Variants in VIT observed in about 807,000 individuals in gnomAD.
VIT encodes the protein vitrin.
In VIT, 99 loss-of-function variants were observed where a neutral mutation model predicts 78.0. That is an observed-to-expected ratio of 1.27 (90% CI 1.08 to 1.50). The LOEUF (loss-of-function observed/expected upper bound fraction) is 1.50, where lower values mean the gene tolerates loss of function less well. Ranked by LOEUF, VIT falls within the 40% of genes most tolerant of loss-of-function variation. The pLI, the probability that VIT is intolerant of heterozygous loss-of-function variation, is 0.00. For synonymous variants in VIT, 374 were observed against 334.3 expected, an observed-to-expected ratio of 1.12 and a Z score of -1.29; for missense variants, 1,126 against 875.3, an observed-to-expected ratio of 1.29 and a Z score of -3.61.
chr2:36,708,525 C>G (rs1240768335), intron 1 of VIT, among the ~76,000 whole-genome samples: 1 of 151,954 alleles, frequency 6.6e-6, no homozygotes. Flanking sequence ...TTTTTAAGCC[C>G]TCCATGTCTC....
chr2:36,754,230 T>C (rs1304237290), intron 4 of VIT, among the ~76,000 whole-genome samples: 2 of 152,020 alleles, frequency 1.3e-5, no homozygotes, highest in Non-Finnish European at 2.9e-5. Context: ...TGGGGAGAAA[T>C]CTACATCTCC....
intron 1 of VIT, among the ~76,000 whole-genome samples, chr2:36,699,510 A>G (rs2148401092): frequency 1.1e-5 from 1 of 92,578 alleles, no homozygotes; most frequent in South Asian, 4.4e-4. Context: ...AGACAATTAG[A>G]GGGGGTTATA....
At chr2:36,713,411 A>T (rs1665926491) in intron 1 of VIT, among the ~76,000 whole-genome samples, 1 of 152,200 alleles carries the variant, frequency 6.6e-6, no homozygotes, top group African/African-American at 2.4e-5. Context: ...AGAAGGGTCG[A>T]CGGAGGCCAA....
At chr2:36,706,601 CAGCTTTTGA>C (rs1665441380) in intron 1 of VIT, among the ~76,000 whole-genome samples, 1 of 152,216 alleles carries the variant, frequency 6.6e-6, no homozygotes, top group Admixed American at 6.5e-5. Flanking sequence ...TTGGCGCTCA[CAGCTTTTGA>C]AGCTTTCAGA....
At chr2:36,742,765 C>T (rs1053867615) in intron 3 of VIT, among the ~76,000 whole-genome samples, 1 of 152,208 alleles carries the variant, frequency 6.6e-6, no homozygotes, top group Non-Finnish European at 1.5e-5. Context: ...GACCAGTACT[C>T]TCCTGCCATT....
intron 7 of VIT, 83 bp from the exon 8 acceptor site, chr2:36,773,707 CA>C: frequency 8.0e-7 from 1 of 1,248,806 alleles, no homozygotes; most frequent in Non-Finnish European, 1.1e-6. Flanking sequence ...TCTGGGCATA[CA>C]GTGAGACTCC....
chr2:36,807,863 A>AGGAAACCC (rs1666843409), intron 14 of VIT, among the ~76,000 whole-genome samples: 3 of 152,210 alleles, frequency 2.0e-5, no homozygotes, highest in African/African-American at 7.2e-5. Flanking sequence ...AAGTCCCCTC[A>AGGAAACCC]TAGCTTAGTT....
intron 9 of VIT, among the ~76,000 whole-genome samples, chr2:36,777,918 C>CA (rs1174167593): frequency 2.6e-5 from 4 of 152,154 alleles, no homozygotes; most frequent in African/African-American, 9.7e-5. Context: ...CTAAACACCT[C>CA]CTTTGTGTTT....
intron 9 of VIT, among the ~76,000 whole-genome samples, chr2:36,775,939 C>G (rs554380572): frequency 2.0e-5 from 3 of 152,336 alleles, no homozygotes; most frequent in African/African-American, 7.2e-5. Flanking sequence ...TCGACCAACT[C>G]TCATCTCAGA....
At chr2:36,715,554 A>T (rs1287653649) in intron 1 of VIT, among the ~76,000 whole-genome samples, 3 of 152,126 alleles carry the variant, frequency 2.0e-5, no homozygotes, top group East Asian at 1.9e-4. Flanking sequence ...AATAAAAAAA[A>T]AAAAGATTTA....
rs773913268 is a variant in VIT at position 36,775,066 on chromosome 2, G to A, written c.801G>A (p.Leu267=). 1.3e-5 allele frequency: 21 copies of A among 1,613,656 alleles called. No homozygotes were observed. Among genetic ancestry groups the A allele is most frequent in the Admixed American group, 3.3e-5 (2 of 59,970 alleles). The change falls in exon 9 of 16, where the codon CTG becomes CTA. Residue 267 remains leucine (L), a splice_region_variant and synonymous_variant. Coordinates refer to ENST00000379242, the MANE Select transcript of VIT (RefSeq NM_053276.4). ...FQKPVGADVS[L]GEMDSWKPGS... is the part of the protein sequence containing the mutation. ...AACCTGTTGGAGCGGATGTCAGCCT[G>A]GGTAAGCTGCCCACTGCTTACCATC...
chr2:36,698,487 T>C (rs1573089769), intron 1 of VIT, among the ~76,000 whole-genome samples: 1 of 152,228 alleles, frequency 6.6e-6, no homozygotes, highest in Admixed American at 6.5e-5. Context: ...GCTCTGCCAC[T>C]ACCTATTACC....
chr2:36,790,147 G>A (rs1442717477), intron 12 of VIT, among the ~76,000 whole-genome samples: 1 of 152,184 alleles, frequency 6.6e-6, no homozygotes, highest in African/African-American at 2.4e-5. Context: ...TTTACAAAAT[G>A]CAACACATCT....
intron 12 of VIT, among the ~76,000 whole-genome samples, chr2:36,800,072 C>A: frequency 6.7e-6 from 1 of 148,992 alleles, no homozygotes; most frequent in Non-Finnish European, 1.5e-5. Context: ...AATGGCCGGG[C>A]ACGGTGGCTC....
chr2:36,738,700 A>G (rs999041475), intron 3 of VIT, among the ~76,000 whole-genome samples: 1 of 152,212 alleles, frequency 6.6e-6, no homozygotes, highest in African/African-American at 2.4e-5. Context: ...AGATGAAAGG[A>G]AAAAGGGTTT....
intron 1 of VIT, among the ~76,000 whole-genome samples, chr2:36,714,276 A>G (rs1246688028): frequency 6.6e-6 from 1 of 152,338 alleles, no homozygotes; most frequent in East Asian, 1.9e-4. Context: ...TATGCATAGC[A>G]GTGTATCAAA....
chr2:36,792,026 T>A (rs1445415569), intron 12 of VIT, among the ~76,000 whole-genome samples: 1 of 152,078 alleles, frequency 6.6e-6, no homozygotes, highest in African/African-American at 2.4e-5. Flanking sequence ...CCCTCAGACT[T>A]CAGAGCAGGA....
chr2:36,733,592 G>A (rs138127270), intron 3 of VIT, among the ~76,000 whole-genome samples: 2 of 152,360 alleles, frequency 1.3e-5, no homozygotes, highest in African/African-American at 2.4e-5. Context: ...CACAACTTGT[G>A]AGTAAGCATT....
intron 7 of VIT, among the ~76,000 whole-genome samples, chr2:36,768,094 C>T (rs1032246553): frequency 6.6e-6 from 1 of 152,190 alleles, no homozygotes; most frequent in Non-Finnish European, 1.5e-5. Context: ...TCTCCGCTCC[C>T]ATAGCAGAGG....
Sources: gnomAD v4.1 joint callset for allele counts (sites outside exome capture counted in the v4.1 genomes callset) on GRCh38, gnomAD v4.1.1 for gene constraint, MANE v1.5 for transcripts, NCBI Gene and HGNC (gene_info 2026-07-23, HGNC 2026-07-21) for gene names.